TRPM5: variants seen among roughly 807,000 people sequenced by gnomAD.
TRPM5 encodes the protein transient receptor potential cation channel subfamily M member 5.
In TRPM5, 121 loss-of-function variants were observed where a neutral mutation model predicts 124.9. That is an observed-to-expected ratio of 0.97 (90% CI 0.84 to 1.13). TRPM5 has a LOEUF of 1.13. Ranked by LOEUF, TRPM5 falls within the 50% of genes most tolerant of loss-of-function variation. TRPM5 has a pLI of 0.00. For synonymous variants in TRPM5, 781 were observed against 700.5 expected, an observed-to-expected ratio of 1.11 and a Z score of -1.81; for missense variants, 1,643 against 1,589.1, an observed-to-expected ratio of 1.03 and a Z score of -0.58.
intron 7 of TRPM5, among the ~76,000 whole-genome samples, chr11:2,416,794 C>T (rs1457988997): frequency 2.6e-5 from 4 of 151,368 alleles, no homozygotes; most frequent in East Asian, 1.9e-4. Flanking sequence ...CCCTTCAGCA[C>T]GCGTTCGTCT....
chr11:2,420,553 G>T, intron 3 of TRPM5, 148 bp from the exon 9 acceptor site: 2 of 810,812 alleles, frequency 2.5e-6, no homozygotes, highest in Non-Finnish European at 1.9e-6. Context: ...CCACCCTTCA[G>T]ACAAAAGGAG....
At chr11:2,440,670 C>G in the TRPM5 span, among the ~76,000 whole-genome samples, 1 of 152,178 alleles carries the variant, frequency 6.6e-6, no homozygotes, top group South Asian at 2.1e-4. This position sits in a 1 kb window ranked among gnomAD's most constrained non-coding sequence, Gnocchi z 5.2. Context: ...CCCACCACTA[C>G]CTGGTGGTGA....
chr11:2,418,041 G>A (rs1845710908), intron 6 of TRPM5, 126 bp downstream of exon 11: 2 of 1,023,546 alleles, frequency 2.0e-6, no homozygotes, highest in East Asian at 5.3e-5. Flanking sequence ...AGCGAGAGTG[G>A]GTGGGGGGCC....
At chr11:2,406,950 G>C (rs1032393911) in intron 20 of TRPM5, among the ~76,000 whole-genome samples, 157 bp from the exon 26 acceptor site, 2 of 152,218 alleles carry the variant, frequency 1.3e-5, no homozygotes, top group Non-Finnish European at 2.9e-5. Context: ...GGACGGCCAA[G>C]CTGCGGGTGG....
exon 3 of TRPM5, chr11:2,421,139 C>T (rs903372888): frequency 6.5e-6 from 10 of 1,542,158 alleles, no homozygotes; most frequent in Non-Finnish European, 8.7e-6. Flanking sequence ...TGGTCGCGCA[C>T]GGCCTGCCCG....
chr11:2,424,381 C>T (rs2133539083), upstream of TRPM5, among the ~76,000 whole-genome samples: 1 of 152,352 alleles, frequency 6.6e-6, no homozygotes, highest in East Asian at 1.9e-4. Flanking sequence ...GCCTCTGGAG[C>T]CAGCACAGTT....
exon 21 of TRPM5, chr11:2,406,771 C>T: frequency 1.2e-6 from 2 of 1,613,030 alleles, no homozygotes; most frequent in South Asian, 1.1e-5. Flanking sequence ...CCTTCTGGTC[C>T]AGGGGGTCTG....
the TRPM5 span, among the ~76,000 whole-genome samples, chr11:2,441,609 C>T: frequency 2.6e-5 from 4 of 152,138 alleles, no homozygotes; most frequent in Admixed American, 6.5e-5. This position sits in a 1 kb window ranked among gnomAD's most constrained non-coding sequence, Gnocchi z 7.2. Context: ...GACCCCATAC[C>T]CCCAGAGCAG....
chr11:2,439,889 G>A, the TRPM5 span, among the ~76,000 whole-genome samples: 10 of 152,116 alleles, frequency 6.6e-5, no homozygotes, highest in Non-Finnish European at 1.0e-4. Flanking sequence ...CATGTTCATC[G>A]CAGCACTATT....
upstream of TRPM5, among the ~76,000 whole-genome samples, chr11:2,425,617 G>T (rs1282059312): frequency 1.8e-5 from 1 of 55,052 alleles, no homozygotes; most frequent in Non-Finnish European, 3.6e-5. Context: ...TGTGCTTGTA[G>T]CCCTGGGCGG....
intron 18 of TRPM5, among the ~76,000 whole-genome samples, chr11:2,410,417 A>G (rs1451942407): frequency 5.5e-5 from 3 of 55,040 alleles, no homozygotes; most frequent in African/African-American, 1.8e-4. Flanking sequence ...CAGCCGCCTG[A>G]CACCGCCTGA....
intron 18 of TRPM5, among the ~76,000 whole-genome samples, chr11:2,409,287 T>C (rs1049249568): frequency 3.3e-5 from 5 of 151,694 alleles, no homozygotes; most frequent in Non-Finnish European, 7.4e-5. Flanking sequence ...GATGACCCCC[T>C]CTCCTCCCTG....
intron 18 of TRPM5, among the ~76,000 whole-genome samples, chr11:2,410,103 C>CGCAG (rs1176424969): frequency 6.6e-6 from 1 of 152,124 alleles, no homozygotes; most frequent in Admixed American, 6.5e-5. Flanking sequence ...GAGGTGGGGT[C>CGCAG]GCAGGCAGGC....
chr11:2,407,614 G>A (rs1277640799), intron 19 of TRPM5, 145 bp downstream of exon 24: 1 of 1,110,358 alleles, frequency 9.0e-7, no homozygotes, highest in South Asian at 1.5e-5. Flanking sequence ...TGCAGTCCAG[G>A]CTATGCCACC....
chr11:2,405,869 A>G (rs1850309438), intron 22 of TRPM5, 150 bp downstream of exon 27: 1 of 759,494 alleles, frequency 1.3e-6, no homozygotes, highest in Non-Finnish European at 2.2e-6. Context: ...TGTCTTCCCC[A>G]GAACGCTCCT....
Position 2,406,658 on chromosome 11 carries a change from C to T in TRPM5, c.3251+3G>A. 1 of 1,606,256 alleles carries T rather than the reference C, an allele frequency of 6.2e-7. No homozygotes were observed. The highest frequency in any genetic ancestry group is 8.5e-7 in the Non-Finnish European group (1 of 1,176,146). ...CACCAGTGATCAGGACAGGCCCCCG[C>T]ACCTGTGGGCGGTTTTCCGCAGCAC... On this transcript the variant is annotated splice_donor_region_variant and intron_variant, in intron 21 of 23. Coordinates refer to ENST00000155858, the Ensembl canonical transcript of TRPM5.
At chr11:2,440,853 G>A in the TRPM5 span, among the ~76,000 whole-genome samples, 1 of 152,054 alleles carries the variant, frequency 6.6e-6, no homozygotes, top group Non-Finnish European at 1.5e-5. The surrounding 1 kb of genome is among the most constrained non-coding windows in gnomAD (Gnocchi z 5.2). Context: ...CCCAGCCCTG[G>A]CCCGCAGATG....
the TRPM5 span, among the ~76,000 whole-genome samples, chr11:2,430,825 T>TA: frequency 6.8e-6 from 1 of 147,202 alleles, no homozygotes; most frequent in Non-Finnish European, 1.5e-5. Context: ...GTGATGGTGT[T>TA]GATGGTGGTG....
the TRPM5 span, among the ~76,000 whole-genome samples, chr11:2,438,183 C>A: frequency 1.3e-5 from 2 of 152,134 alleles, no homozygotes; most frequent in African/African-American, 2.4e-5. This position sits in a 1 kb window ranked among gnomAD's most constrained non-coding sequence, Gnocchi z 5.9. Flanking sequence ...AAGGAACATA[C>A]CTCAAAATAA....
Sources: allele counts gnomAD v4.1 joint callset (sites outside exome capture counted in the v4.1 genomes callset), GRCh38; gene constraint gnomAD v4.1.1; non-coding constraint Gnocchi (gnomAD v3.1); transcripts MANE v1.5; gene names NCBI Gene and HGNC (gene_info 2026-07-23, HGNC 2026-07-21).